The following EFCAB6 variants were observed in gnomAD, a reference collection of about 807,000 sequenced individuals.
The protein encoded by EFCAB6 is EF-hand calcium binding domain 6.
EFCAB6 carries 156 observed loss-of-function variants against 169.8 expected under a neutral mutation model. The observed-to-expected ratio is 0.92, with a 90% confidence interval of 0.81 to 1.05. The LOEUF (loss-of-function observed/expected upper bound fraction) is 1.05. Ranked by LOEUF, EFCAB6 falls within the 50% of genes least tolerant of loss-of-function variation. The probability of loss-of-function intolerance (pLI) is 0.00; values close to 1 mark genes in which losing one functional copy is unlikely to be tolerated. For synonymous variants in EFCAB6, 698 were observed against 676.4 expected (o/e 1.03, Z -0.50); for missense variants, 1,800 against 1,829.1 (o/e 0.98, Z 0.29).
In EFCAB6 at chr22:43,744,004, T is replaced by C. The variant is rs2060468764; in HGVS notation, c.508-8011A>G. Among the ~76,000 whole-genome samples, 1 of 150,188 alleles carries C rather than the reference T, an allele frequency of 6.7e-6. No homozygotes were observed. The highest frequency in any genetic ancestry group is 2.4e-5 in the African/African-American group (1 of 40,842). On this transcript the variant is annotated intron_variant, in intron 6 of 31. Coordinates refer to ENST00000262726, the MANE Select transcript of EFCAB6 (RefSeq NM_022785.4). The surrounding 1 kb of genome is among the most constrained non-coding windows in gnomAD (Gnocchi z 4.3). ...ATAGATAGGTAAATGGATGAATGAA[T>C]GGATGAAGGGATGAATGATGAATGA...
chr22:43,687,531 G>T lies in EFCAB6; in HGVS notation c.1082C>A (p.Ser361Ter), dbSNP rs754145040. Residue 361 changes from serine to a stop codon, truncating the protein, a stop_gained, in exon 11 of 32, where the codon TCA (serine) becomes TAA (stop). Coordinates refer to ENST00000262726, the MANE Select transcript of EFCAB6 (RefSeq NM_022785.4). LOFTEE classifies it high-confidence loss of function. ...TTGCAACCCCTGAGGCTCATGAAAT[G>T]ATGTTAGAAATTGCTTCCAATTGAT... ...TKINWKQFLT[S>*]FHEPQGLQVS... 6 of 1,597,856 alleles carry T rather than the reference G, an allele frequency of 3.8e-6. No individual in the cohort carries two copies. The highest frequency in any genetic ancestry group is 8.5e-7 in the Non-Finnish European group (1 of 1,173,228).
intron 21 of EFCAB6, among the ~76,000 whole-genome samples, chr22:43,610,004 G>A (rs1043456254): frequency 6.6e-6 from 1 of 152,158 alleles, no homozygotes; most frequent in Non-Finnish European, 1.5e-5. Context: ...AAATGAGACT[G>A]GGTCCCTGCC....
In EFCAB6 at chr22:43,672,188, A is replaced by G. The variant is rs1307124673; in HGVS notation, c.1480-55T>C. 3.1e-6 allele frequency: 5 copies of G among 1,613,716 alleles called. No homozygotes were observed. In the African/African-American group the frequency reaches 4.0e-5, roughly 13 times the overall value. ...AGCCATACATCTGTAACCTCTTGTAACAGTAACCTCAAACCATATAGGAAG... is the reference window on the plus strand; with the variant it reads ...AGCCATACATCTGTAACCTCTTGTAGCAGTAACCTCAAACCATATAGGAAG... On this transcript the variant is annotated intron_variant, in intron 14 of 31. Transcript: ENST00000262726.
intron 6 of EFCAB6, among the ~76,000 whole-genome samples, chr22:43,753,865 C>T (rs1265852364): frequency 6.6e-6 from 1 of 152,152 alleles, no homozygotes; most frequent in Non-Finnish European, 1.5e-5. Flanking sequence ...TCCAGTAAGC[C>T]ACGTGGGCTC....
At chr22:43,589,320 A>AAAAAAAAAAAAAAAAAAAAAAAAG (rs1569207678) in intron 24 of EFCAB6, among the ~76,000 whole-genome samples, 1 of 59,772 alleles carries the variant, frequency 1.7e-5, no homozygotes, top group Non-Finnish European at 3.6e-5. Flanking sequence ...AAAAAAAAAA[A>AAAAAAAAAAAAAAAAAAAAAAAAG]AGAAGTACAG....
chr22:43,653,190 TA>T (rs1004317842), intron 17 of EFCAB6, among the ~76,000 whole-genome samples: 25 of 152,120 alleles, frequency 1.6e-4, no homozygotes, highest in African/African-American at 5.3e-4. Flanking sequence ...TCACAACTGA[TA>T]AAACACATTA....
intron 17 of EFCAB6, among the ~76,000 whole-genome samples, chr22:43,636,211 G>A (rs2055384453): frequency 3.9e-5 from 6 of 152,170 alleles, no homozygotes; most frequent in Admixed American, 3.9e-4. Flanking sequence ...GTGTGTTGAG[G>A]GGTGAGGAAT....
intron 6 of EFCAB6, among the ~76,000 whole-genome samples, chr22:43,742,872 T>G (rs999486092): frequency 1.3e-5 from 2 of 152,194 alleles, no homozygotes; most frequent in Non-Finnish European, 2.9e-5. Flanking sequence ...GGTAGCTGCT[T>G]GGACCTCGGC....
chr22:43,562,336 G>A (rs2049090246), intron 26 of EFCAB6, among the ~76,000 whole-genome samples: 1 of 152,162 alleles, frequency 6.6e-6, no homozygotes, highest in African/African-American at 2.4e-5. Flanking sequence ...AGTCATCAAA[G>A]AGGCTACTCA....
chr22:43,615,997 T>C, intron 20 of EFCAB6, 75 bp from the exon 21 acceptor site: 1 of 1,262,340 alleles, frequency 7.9e-7, no homozygotes, highest in African/African-American at 1.5e-5. Flanking sequence ...GGTTTCCCTA[T>C]CCCCCCTGTT....
chr22:43,770,077 G>A (rs2061424831), intron 4 of EFCAB6, among the ~76,000 whole-genome samples: 1 of 151,952 alleles, frequency 6.6e-6, no homozygotes, highest in African/African-American at 2.4e-5. Context: ...GGCTGGTCTC[G>A]AACTCCAGAC....
At chr22:43,620,077 G>A (rs1358845399) in intron 20 of EFCAB6, among the ~76,000 whole-genome samples, 1 of 152,148 alleles carries the variant, frequency 6.6e-6, no homozygotes, top group African/African-American at 2.4e-5. Flanking sequence ...AAGCCCTTTG[G>A]GAGGCTGAGA....
At chr22:43,745,217 C>T (rs1026551386) in intron 6 of EFCAB6, among the ~76,000 whole-genome samples, 19 of 152,240 alleles carry the variant, frequency 1.2e-4, no homozygotes, top group African/African-American at 4.6e-4. Flanking sequence ...AAACTGTGAA[C>T]TCAAATAAAT....
intron 7 of EFCAB6, among the ~76,000 whole-genome samples, chr22:43,732,082 C>T (rs79212311): frequency 6.6e-6 from 1 of 152,160 alleles, no homozygotes; most frequent in Non-Finnish European, 1.5e-5. Flanking sequence ...AATACCCCAA[C>T]CTAGACAGCA....
intron 26 of EFCAB6, among the ~76,000 whole-genome samples, chr22:43,558,163 A>C (rs1215508100): frequency 6.6e-6 from 1 of 152,252 alleles, no homozygotes; most frequent in African/African-American, 2.4e-5. Flanking sequence ...TAAAATCAAC[A>C]TGTAAATGTT....
intron 2 of EFCAB6, among the ~76,000 whole-genome samples, chr22:43,793,698 C>G (rs2062394951): frequency 8.5e-6 from 1 of 117,216 alleles, no homozygotes; most frequent in Non-Finnish European, 1.9e-5. Context: ...TGACTAGAGA[C>G]TAACACTACT....
In EFCAB6 at chr22:43,687,386, G is replaced by T. The variant is rs2058237345; in HGVS notation, c.1142+85C>A. The T allele has an allele frequency of 3.6e-6, 3 of 831,424 alleles. No individual in the cohort carries two copies. The South Asian group carries it at 6.9e-5, about 19-fold the overall frequency. 51.5% of individuals were successfully genotyped at this position (831,424 alleles called of 1,614,324 possible). A position where few individuals can be genotyped will look rare whatever the true frequency, so the allele number is the denominator to read the frequency against. ...ACTAATCGATCATTCAATAAATGCAGAAAAAGTAGCACAGATATTCTCTGA... is the reference window on the plus strand; with the variant it reads ...ACTAATCGATCATTCAATAAATGCATAAAAAGTAGCACAGATATTCTCTGA... On this transcript the variant is annotated intron_variant, in intron 11 of 31. Coordinates refer to ENST00000262726, the MANE Select transcript of EFCAB6 (RefSeq NM_022785.4).
rs562851517 is a variant in EFCAB6, at chr22:43,731,162, C to T, written c.757+537G>A. Among the ~76,000 whole-genome samples the T allele has an allele frequency of 2.4e-3, 371 of 152,190 alleles. 1 individual carries two copies. The highest frequency in any genetic ancestry group is 4.2e-3 in the Non-Finnish European group (287 of 68,018). On this transcript the variant is annotated intron_variant, in intron 8 of 31. Coordinates refer to ENST00000262726, the MANE Select transcript of EFCAB6 (RefSeq NM_022785.4). The stretch of plus-strand genomic sequence containing the variant: ...TACCCAGCAGGCCGACAACCCTGGG[C>T]GTCGTATGGAGGAGGCTGGAGTAAA...
intron 17 of EFCAB6, among the ~76,000 whole-genome samples, chr22:43,644,340 G>T (rs1052680183): frequency 6.6e-6 from 1 of 152,158 alleles, no homozygotes; most frequent in Non-Finnish European, 1.5e-5. Context: ...GGAACAAGCA[G>T]GGAGGAGGTA....
Sources: gnomAD v4.1 joint callset for allele counts (sites outside exome capture counted in the v4.1 genomes callset) on GRCh38, gnomAD v4.1.1 for gene constraint, Gnocchi (gnomAD v3.1) non-coding constraint, MANE v1.5 for transcripts, NCBI Gene and HGNC (gene_info 2026-07-23, HGNC 2026-07-21) for gene names.